The following TMEM260 variants were observed in gnomAD, a reference collection of about 807,000 sequenced individuals.
TMEM260 encodes transmembrane protein 260.
In TMEM260, 82 loss-of-function variants were observed where a neutral mutation model predicts 88.9. That is an observed-to-expected ratio of 0.92 (90% CI 0.77 to 1.11). The LOEUF (loss-of-function observed/expected upper bound fraction) is 1.11, where lower values mean the gene tolerates loss of function less well. TMEM260 is among the 50% of genes least tolerant of loss of function. The pLI is 0.00. For missense variants in TMEM260, 902 were observed against 853.4 expected (o/e 1.06, Z -0.71); for synonymous variants, 314 against 309.3 (o/e 1.02, Z -0.16).
chr14:56,589,316 C>G (rs79534183), intron 3 of TMEM260, among the ~76,000 whole-genome samples: 3,404 of 152,058 alleles, frequency 0.022, 136 homozygotes, highest in African/African-American at 0.078. Flanking sequence ...TGAGAGTCAG[C>G]CTATCCTTTT....
the TMEM260 span, among the ~76,000 whole-genome samples, chr14:56,661,027 G>C: frequency 3.9e-5 from 6 of 152,198 alleles, no homozygotes; most frequent in African/African-American, 1.4e-4. Flanking sequence ...GGAAAAGCTG[G>C]AGGCGGGAGT....
At chr14:56,645,942 T>C (rs1489024773) in intron 15 of TMEM260, among the ~76,000 whole-genome samples, 2 of 152,184 alleles carry the variant, frequency 1.3e-5, no homozygotes, top group Admixed American at 6.5e-5. Context: ...GGTGATTCTT[T>C]CCCATTTTTT....
chr14:56,619,864 A>G (rs920257192), intron 10 of TMEM260, among the ~76,000 whole-genome samples: 3 of 152,234 alleles, frequency 2.0e-5, no homozygotes, highest in Non-Finnish European at 2.9e-5. Flanking sequence ...GCTATTCACA[A>G]TAACAAAGAC....
intron 15 of TMEM260, among the ~76,000 whole-genome samples, chr14:56,639,539 G>A (rs1033462679): frequency 1.3e-5 from 2 of 152,128 alleles, no homozygotes; most frequent in African/African-American, 4.8e-5. Context: ...AGCCAAATAG[G>A]AACAGCTCCA....
At chr14:56,589,242 G>A (rs1885701206) in intron 3 of TMEM260, among the ~76,000 whole-genome samples, 1 of 152,090 alleles carries the variant, frequency 6.6e-6, no homozygotes, top group Admixed American at 6.5e-5. Context: ...GATATCAGAG[G>A]AGGGTATATG....
chr14:56,628,713 C>A (rs1197967048), intron 12 of TMEM260, among the ~76,000 whole-genome samples: 1 of 151,984 alleles, frequency 6.6e-6, no homozygotes, highest in Non-Finnish European at 1.5e-5. Flanking sequence ...TTGTTTCTAA[C>A]CAACCTATAT....
the TMEM260 span, among the ~76,000 whole-genome samples, chr14:56,662,958 G>A: frequency 3.4e-4 from 51 of 152,192 alleles, no homozygotes; most frequent in Non-Finnish European, 5.4e-4. Context: ...AGAAACCCCC[G>A]TCTCTACTAA....
Position 56,647,395 on chromosome 14 carries a change from C to T in TMEM260, c.2022C>T (p.Tyr674=). The change falls in exon 16 of 16, where the codon TAC becomes TAT. Residue 674 remains tyrosine, a synonymous_variant. Transcript: ENST00000261556. ...AAACCATCAGACATTTCCGTCTGTA[C>T]TCTCAGAAAGCACCGAATGACCCAC... ...LSETIRHFRL[Y]SQKAPNDPQQ... is the part of the protein sequence containing the mutation. The T allele has an allele frequency of 1.2e-6, 2 of 1,614,214 alleles. No homozygotes were observed. Among genetic ancestry groups the T allele is most frequent in the South Asian group, 1.1e-5 (1 of 91,078 alleles).
At chr14:56,618,013 G>C (rs1299728019) in intron 9 of TMEM260, among the ~76,000 whole-genome samples, 1 of 152,170 alleles carries the variant, frequency 6.6e-6, no homozygotes, top group Non-Finnish European at 1.5e-5. Context: ...TTACCCACTA[G>C]TCATAGGCAG....
chr14:56,626,072 C>T (rs1888228108), intron 12 of TMEM260, among the ~76,000 whole-genome samples: 3 of 152,082 alleles, frequency 2.0e-5, no homozygotes, highest in Non-Finnish European at 4.4e-5. Context: ...ATAATTCCTC[C>T]GATGGCACAG....
rs1398023433 is a variant in TMEM260 at position 56,609,239 on chromosome 14, G to A, written c.770G>A (p.Gly257Glu). ...WTWGDQTTLQGFLTHFLREEY... is the reference protein window; with the variant it reads ...WTWGDQTTLQEFLTHFLREEY... ...TGGGGAGACCAGACAACACTGCAAG[G>A]ATTTTTGACACATTTTCTCAGGGAA... The change falls in exon 6 of 16, where the codon GGA becomes GAA. Residue 257 changes from glycine to glutamate, a missense_variant. Physicochemically the swap from Gly to Glu is moderately conservative, Grantham distance 98 (BLOSUM62 -2). Coordinates refer to ENST00000261556, the MANE Select transcript of TMEM260 (RefSeq NM_017799.4). 5 of 1,614,008 alleles carry A rather than the reference G, an allele frequency of 3.1e-6. No individual in the cohort carries two copies. Among genetic ancestry groups the A allele is most frequent in the Non-Finnish European group, 4.2e-6 (5 of 1,179,994 alleles).
rs1886848499 is a variant in TMEM260 at position 56,605,615 on chromosome 14, C to G, written c.568C>G (p.Gln190Glu). The G allele has an allele frequency of 2.5e-6, 4 of 1,584,674 alleles. No homozygotes were observed. The highest frequency in any genetic ancestry group is 3.4e-6 in the Non-Finnish European group (4 of 1,167,598). The change falls in exon 5 of 16, where the codon CAG (glutamine) becomes GAG (glutamate). Residue 190 changes from glutamine to glutamate, a missense_variant. Transcript: ENST00000261556. ...CTGCTGTGGCCTTAGTTTATGTAAC[C>G]AGCACACAATAATACTCTATGTTTT... ...AFCCGLSLCNQHTIILYVLCI... is the reference protein window; with the variant it reads ...AFCCGLSLCNEHTIILYVLCI...
intron 15 of TMEM260, among the ~76,000 whole-genome samples, chr14:56,643,735 T>C (rs142335000): frequency 0.044 from 6,642 of 152,290 alleles, 267 homozygotes; most frequent in East Asian, 0.11. Context: ...TGTTTGCAGA[T>C]GACATGATTG....
At chr14:56,580,203 A>G (rs746614334) in intron 1 of TMEM260, 129 bp downstream of exon 1, 48 of 694,566 alleles carry the variant, frequency 6.9e-5, no homozygotes, top group Non-Finnish European at 9.5e-5. Context: ...CCCCCTGTGC[A>G]CAGCGCACTA....
intron 12 of TMEM260, among the ~76,000 whole-genome samples, chr14:56,631,970 GC>G (rs1267984784): frequency 6.6e-6 from 1 of 152,176 alleles, no homozygotes; most frequent in Non-Finnish European, 1.5e-5. Context: ...ACGGCAGAGA[GC>G]CCTCTCCTGC....
intron 3 of TMEM260, among the ~76,000 whole-genome samples, chr14:56,597,633 G>A (rs1886326304): frequency 6.6e-6 from 1 of 152,166 alleles, no homozygotes; most frequent in Admixed American, 6.5e-5. Flanking sequence ...CAGATGTTTT[G>A]AATCTCTTAC....
downstream of TMEM260, among the ~76,000 whole-genome samples, chr14:56,655,088 A>G (rs1890277233): frequency 6.6e-6 from 1 of 152,142 alleles, no homozygotes; most frequent in Admixed American, 6.5e-5. Context: ...ATTTACTCTC[A>G]GAATTAGAAG....
At position 56,611,006 on chromosome 14, in the gene TMEM260, A is replaced by T. The variant is rs2345152; in HGVS notation, c.817-1239A>T. On this transcript the variant is annotated intron_variant, in intron 6 of 15. Coordinates refer to ENST00000261556, the MANE Select transcript of TMEM260 (RefSeq NM_017799.4). Reference sequence around the variant, plus strand: ...TTTTGAGACAGAGTCTCACTCTATCACCCAGGCTGGAGTGCAGTGGCGTGA... The same window carrying T: ...TTTTGAGACAGAGTCTCACTCTATCTCCCAGGCTGGAGTGCAGTGGCGTGA... 6.5e-4 allele frequency among the ~76,000 whole-genome samples: 95 copies of T among 145,616 alleles called. 1 individual carries two copies. In the East Asian group the frequency reaches 0.01, roughly 16 times the overall value.
chr14:56,633,044 A>C lies in TMEM260; in HGVS notation c.1597A>C (p.Lys533Gln), dbSNP rs946192507. ...IGIHEGDPTW[K>Q]KNYSLWPWGS... The stretch of plus-strand genomic sequence containing the variant: ...AATTCATGAAGGCGACCCAACCTGG[A>C]AAAAGAACTATTCACTTTGGCCATG... Residue 533 changes from lysine to glutamine, a missense_variant, in exon 13 of 16, where the codon AAA becomes CAA. Lys to Gln is a moderately conservative substitution (Grantham distance 53). Coordinates refer to ENST00000261556, the MANE Select transcript of TMEM260 (RefSeq NM_017799.4). The C allele has an allele frequency of 3.1e-6, 5 of 1,614,006 alleles. No homozygotes were observed. Among genetic ancestry groups the C allele is most frequent in the Non-Finnish European group, 4.2e-6 (5 of 1,179,966 alleles).
Sources: allele counts gnomAD v4.1 joint callset (sites outside exome capture counted in the v4.1 genomes callset), GRCh38; gene constraint gnomAD v4.1.1; transcripts MANE v1.5; gene names NCBI Gene and HGNC (gene_info 2026-07-23, HGNC 2026-07-21).